Variants in RELN observed in about 807,000 individuals in gnomAD.
RELN encodes reelin.
RELN carries 108 observed loss-of-function variants against 427.6 expected under a neutral mutation model. That is an observed-to-expected ratio of 0.25 (90% CI 0.22 to 0.30). The LOEUF (loss-of-function observed/expected upper bound fraction) is 0.30, where lower values mean the gene tolerates loss of function less well. Ranked by LOEUF, RELN falls within the 10% of genes least tolerant of loss-of-function variation. The pLI is 1.00. For missense variants in RELN, 3,715 were observed against 4,302.8 expected (o/e 0.86, Z 3.82); for synonymous variants, 1,524 against 1,513.4 (o/e 1.01, Z -0.16).
At chr7:103,687,890 C>A (rs965535581) in intron 10 of RELN, among the ~76,000 whole-genome samples, 1 of 152,142 alleles carries the variant, frequency 6.6e-6, no homozygotes, top group Non-Finnish European at 1.5e-5. Context: ...TCATGGCGAT[C>A]TGGCTCATTT....
intron 4 of RELN, among the ~76,000 whole-genome samples, chr7:103,761,634 G>T (rs202041594): frequency 1.6e-4 from 25 of 151,528 alleles, no homozygotes; most frequent in African/African-American, 2.7e-4. Context: ...TTTTTGGGGG[G>T]GGGTAGAGAC....
At chr7:103,525,243 T>A (rs1253886851) in intron 46 of RELN, among the ~76,000 whole-genome samples, 1 of 152,218 alleles carries the variant, frequency 6.6e-6, no homozygotes, top group African/African-American at 2.4e-5. Context: ...AAATGATGTT[T>A]CTTCCATGCT....
intron 10 of RELN, among the ~76,000 whole-genome samples, chr7:103,692,794 A>G (rs1305366477): frequency 6.6e-6 from 1 of 151,630 alleles, no homozygotes; most frequent in African/African-American, 2.4e-5. Context: ...TTTTTCTGTC[A>G]CCTGTCCCCA....
At chr7:103,505,622 G>A (rs1020884718) in intron 51 of RELN, among the ~76,000 whole-genome samples, 1 of 152,104 alleles carries the variant, frequency 6.6e-6, no homozygotes, top group Non-Finnish European at 1.5e-5. Context: ...AGAAACCAGC[G>A]CAAAAAGGCT....
At chr7:103,905,699 AGTGAAGATGACTTCACAGG>A (rs1795189227) in intron 2 of RELN, among the ~76,000 whole-genome samples, 9 of 151,662 alleles carry the variant, frequency 5.9e-5, no homozygotes, top group Admixed American at 5.9e-4. Context: ...ACTTCACAGG[AGTGAAGATGACTTCACAGG>A]AGTGAAGATG....
intron 58 of RELN, 56 bp downstream of exon 58, chr7:103,491,879 CACACACACACACACACAA>C (rs1828681805): frequency 1.2e-6 from 1 of 843,850 alleles, no homozygotes; most frequent in Non-Finnish European, 1.9e-6. Context: ...CACACACACA[CACACACACACACACACAA>C]CGATTTGGAT....
At chr7:103,681,967 TAAG>T in intron 11 of RELN, 146 bp downstream of exon 11, 1 of 775,410 alleles carries the variant, frequency 1.3e-6, no homozygotes, top group Non-Finnish European at 2.3e-6. Flanking sequence ...ATCTTTAGGG[TAAG>T]TGCACCCCTT....
rs181820024 is a variant in RELN, at chr7:103,595,010, C to T, written c.3540-518G>A. Among the ~76,000 whole-genome samples, 741 of 152,180 alleles carry T rather than the reference C, an allele frequency of 4.9e-3. 8 individuals carry two copies. The highest frequency in any genetic ancestry group is 0.017 in the African/African-American group (702 of 41,516). On this transcript the variant is annotated intron_variant, in intron 25 of 64. Transcript: ENST00000428762. ...TCTTTTATATAGGCAAGGCATTATA[C>T]GTATAATTTGGTGATCTACATTTTA...
At chr7:103,594,517 G>T (rs368854642) in intron 25 of RELN, 25 bp from the exon 26 acceptor site, 11 of 1,607,472 alleles carry the variant, frequency 6.8e-6, no homozygotes, top group Non-Finnish European at 9.4e-6. Flanking sequence ...ATCATTTACG[G>T]TTGGGAAAAC....
chr7:103,847,389 G>A (rs1793706278), intron 2 of RELN, among the ~76,000 whole-genome samples: 1 of 152,052 alleles, frequency 6.6e-6, no homozygotes, highest in African/African-American at 2.4e-5. Context: ...ACACAGGGAG[G>A]GAAACATCAC....
chr7:103,564,105 TA>T, intron 34 of RELN, among the ~76,000 whole-genome samples: 1 of 152,198 alleles, frequency 6.6e-6, no homozygotes, highest in Admixed American at 6.5e-5. Flanking sequence ...TAAAACACAG[TA>T]GATATTCAAT....
At chr7:103,609,563 A>C (rs995805222) in intron 22 of RELN, among the ~76,000 whole-genome samples, 2 of 152,232 alleles carry the variant, frequency 1.3e-5, no homozygotes, top group Admixed American at 6.5e-5. Context: ...TCACAGTTGG[A>C]AACAGAAAAA....
At chr7:103,587,068 G>A (rs1406611781) in intron 28 of RELN, among the ~76,000 whole-genome samples, 2 of 152,056 alleles carry the variant, frequency 1.3e-5, no homozygotes, top group Non-Finnish European at 1.5e-5. Flanking sequence ...GGAGTCTGAA[G>A]AGCCAAAGCA....
At chr7:103,843,901 C>T (rs1294886939) in intron 2 of RELN, among the ~76,000 whole-genome samples, 1 of 152,208 alleles carries the variant, frequency 6.6e-6, no homozygotes, top group African/African-American at 2.4e-5. Context: ...TCTCCTAACA[C>T]TGCATACTCT....
chr7:103,659,870 A>G (rs887338449), intron 12 of RELN, among the ~76,000 whole-genome samples: 3 of 152,162 alleles, frequency 2.0e-5, no homozygotes, highest in African/African-American at 4.8e-5. Context: ...TGTATTCTCC[A>G]TATATCCTGG....
chr7:103,522,388 C>G (rs1424211104), intron 47 of RELN, among the ~76,000 whole-genome samples, 189 bp from the exon 48 acceptor site: 1 of 152,192 alleles, frequency 6.6e-6, no homozygotes, highest in Non-Finnish European at 1.5e-5. Context: ...TATGAATTAA[C>G]TAACTCTAAC....
At chr7:103,967,314 C>T (rs945261221) in intron 1 of RELN, among the ~76,000 whole-genome samples, 1 of 152,120 alleles carries the variant, frequency 6.6e-6, no homozygotes, top group African/African-American at 2.4e-5. Flanking sequence ...GTCCATTTTA[C>T]AAAGCCCTAC....
chr7:103,689,844 A>G (rs1833837406), intron 10 of RELN, among the ~76,000 whole-genome samples: 1 of 152,154 alleles, frequency 6.6e-6, no homozygotes, highest in Non-Finnish European at 1.5e-5. Flanking sequence ...TGACGCTCTG[A>G]AAACTTACAT....
chr7:103,646,029 G>C (rs1832789471), intron 16 of RELN, among the ~76,000 whole-genome samples: 1 of 151,758 alleles, frequency 6.6e-6, no homozygotes, highest in Admixed American at 6.6e-5. Context: ...GCTCCTGAAT[G>C]ATCTTTGAGT....
Sources: gnomAD v4.1 joint callset for allele counts (sites outside exome capture counted in the v4.1 genomes callset) on GRCh38, gnomAD v4.1.1 for gene constraint, MANE v1.5 for transcripts, NCBI Gene and HGNC (gene_info 2026-07-23, HGNC 2026-07-21) for gene names.